GRK3: variants seen among roughly 807,000 people sequenced by gnomAD.
GRK3 encodes adrenergic, beta, receptor kinase 2.
GRK3 carries 54 observed loss-of-function variants against 95.7 expected under a neutral mutation model. The observed-to-expected ratio is 0.56, with a 90% CI of 0.45 to 0.71. The LOEUF (loss-of-function observed/expected upper bound fraction) is 0.71, where lower values mean the gene tolerates loss of function less well. Among genes scored for constraint, GRK3 ranks in the 30% least tolerant of loss-of-function variants. GRK3 has a pLI of 0.00. For synonymous variants in GRK3, 281 were observed against 290.8 expected, an observed-to-expected ratio of 0.97 and a Z score of 0.34; for missense variants, 649 against 851.2, an observed-to-expected ratio of 0.76 and a Z score of 2.96.
intron 13 of GRK3, among the ~76,000 whole-genome samples, chr22:25,700,221 A>T (rs1311092707): frequency 6.6e-6 from 1 of 152,198 alleles, no homozygotes; most frequent in East Asian, 1.9e-4. Flanking sequence ...GCTATCTTTG[A>T]GTGCTGGTCA....
intron 6 of GRK3, among the ~76,000 whole-genome samples, chr22:25,668,953 C>T (rs553212077): frequency 9.9e-5 from 15 of 152,284 alleles, no homozygotes; most frequent in South Asian, 2.1e-4. Flanking sequence ...CATTTCATAG[C>T]CTCACAGTAA....
Position 25,564,924 on chromosome 22 carries a change from G to GT in GRK3, c.-117_-116insT, listed in dbSNP as rs1931388932. 6.9e-6 allele frequency: 1 copy of GT among 145,096 alleles called. No homozygotes were observed. Among genetic ancestry groups the GT allele is most frequent in the African/African-American group, 2.7e-5 (1 of 36,894 alleles). 9.0% of individuals were successfully genotyped at this position (145,096 alleles called of 1,614,324 possible). On this transcript the variant is annotated 5_prime_UTR_variant, in exon 1 of 21. Transcript: ENST00000324198. ...CGCGCGCGGGGCGGGGGCGCGCGGA[G>GT]GGGGGGGCTGCCCCGGGGCGGCCCC...
At chr22:25,567,888 A>T (rs1931547551) in intron 1 of GRK3, among the ~76,000 whole-genome samples, 1 of 152,224 alleles carries the variant, frequency 6.6e-6, no homozygotes, top group African/African-American at 2.4e-5. Flanking sequence ...ATTACAGGAG[A>T]GTCTCAGAAA....
intron 2 of GRK3, among the ~76,000 whole-genome samples, chr22:25,630,456 A>G (rs188113977): frequency 1.6e-4 from 25 of 152,268 alleles, no homozygotes; most frequent in African/African-American, 5.5e-4. Flanking sequence ...TAAATGAAAA[A>G]ATTGAGTGCA....
chr22:25,630,082 T>C (rs1261025442), intron 2 of GRK3, among the ~76,000 whole-genome samples: 1 of 152,222 alleles, frequency 6.6e-6, no homozygotes, highest in African/African-American at 2.4e-5. Context: ...TAATAAAACA[T>C]ACATATAGAA....
chr22:25,693,940 C>T (rs900880313), intron 12 of GRK3, among the ~76,000 whole-genome samples: 6 of 151,950 alleles, frequency 3.9e-5, no homozygotes, highest in East Asian at 1.9e-4. Flanking sequence ...TACAGGCATG[C>T]GCCACCACGC....
intron 1 of GRK3, among the ~76,000 whole-genome samples, chr22:25,575,946 C>T (rs1467144562): frequency 2.0e-5 from 3 of 152,216 alleles, no homozygotes; most frequent in African/African-American, 7.2e-5. Flanking sequence ...CATAATCAGC[C>T]AAGTCTGCCT....
chr22:25,616,665 G>A (rs1337325531), intron 2 of GRK3, among the ~76,000 whole-genome samples: 2 of 152,210 alleles, frequency 1.3e-5, no homozygotes, highest in East Asian at 1.9e-4. Flanking sequence ...TGCCGTGGAA[G>A]TAGAGAGAAG....
intron 3 of GRK3, among the ~76,000 whole-genome samples, chr22:25,650,047 A>AT (rs1217829028): frequency 1.1e-4 from 16 of 150,104 alleles, no homozygotes; most frequent in African/African-American, 1.7e-4. Flanking sequence ...GCTAGAGTGC[A>AT]TTGGCGCCAT....
In GRK3 at chr22:25,649,836, C is replaced by T. The variant is rs193238861; in HGVS notation, c.264+5171C>T. Reference sequence around the variant, plus strand: ...ACTTGATTAAATGTTAGACCACAGACGTGGAATTTGAAAGTATAATGCAGT... The same window carrying T: ...ACTTGATTAAATGTTAGACCACAGATGTGGAATTTGAAAGTATAATGCAGT... On this transcript the variant is annotated intron_variant, in intron 3 of 20. Transcript: ENST00000324198. 8.5e-3 allele frequency among the ~76,000 whole-genome samples: 1,296 copies of T among 152,086 alleles called. 7 individuals carry two copies. Among genetic ancestry groups the T allele is most frequent in the Middle Eastern group, 0.02 (6 of 294 alleles).
At chr22:25,588,317 G>A (rs1229493173) in intron 1 of GRK3, among the ~76,000 whole-genome samples, 2 of 152,196 alleles carry the variant, frequency 1.3e-5, no homozygotes, top group Admixed American at 1.3e-4. Flanking sequence ...ACAGAATGTG[G>A]ATTATCAAAA....
intron 5 of GRK3, among the ~76,000 whole-genome samples, chr22:25,665,804 A>C (rs1370927024): frequency 6.6e-6 from 1 of 152,242 alleles, no homozygotes; most frequent in Non-Finnish European, 1.5e-5. Flanking sequence ...ATAGTAAAAC[A>C]AAACTGTTTT....
At chr22:25,654,862 C>T (rs774907965) in intron 3 of GRK3, among the ~76,000 whole-genome samples, 4 of 152,126 alleles carry the variant, frequency 2.6e-5, no homozygotes, top group South Asian at 4.1e-4. Flanking sequence ...CTCTTCTCAC[C>T]TCTCTTCTGG....
intron 10 of GRK3, among the ~76,000 whole-genome samples, chr22:25,686,309 A>G (rs565519143): frequency 3.9e-5 from 6 of 152,272 alleles, no homozygotes; most frequent in Admixed American, 3.9e-4. Context: ...AACACCAAAC[A>G]CAGCAGCATC....
rs2085487193 is a variant in GRK3, at chr22:25,727,924, C to G, written c.*5474C>G. 6.6e-6 allele frequency: 1 copy of G among 151,944 alleles called. No individual in the cohort carries two copies. The allele number at this position is 151,944 out of a possible 1,614,324, so 9.4% of individuals were successfully genotyped here. Reference sequence around the variant, plus strand: ...AGTTTTATTGTTAAATGGTATTTTTCTATGTTTAATTATAATAGATCTGGC... The same window carrying G: ...AGTTTTATTGTTAAATGGTATTTTTGTATGTTTAATTATAATAGATCTGGC... On this transcript the variant is annotated 3_prime_UTR_variant, in exon 21 of 21. Coordinates refer to ENST00000324198, the MANE Select transcript of GRK3 (RefSeq NM_005160.4).
chr22:25,694,292 C>G (rs959416702), intron 12 of GRK3, among the ~76,000 whole-genome samples: 1 of 152,166 alleles, frequency 6.6e-6, no homozygotes, highest in Non-Finnish European at 1.5e-5. Context: ...TTTGCCAGAG[C>G]CCTGTCAGGC....
In GRK3 at chr22:25,672,352, G is replaced by A; in HGVS notation, c.555+5G>A. On this transcript the variant is annotated splice_donor_5th_base_variant and intron_variant, in intron 7 of 20. Transcript: ENST00000324198. ...AACGTTGAATTAAATATCCATGTGAGTATCATCTTTTTCTTTTTTCATTTT... is the reference window on the plus strand; with the variant it reads ...AACGTTGAATTAAATATCCATGTGAATATCATCTTTTTCTTTTTTCATTTT... 2.1e-6 allele frequency: 3 copies of A among 1,431,480 alleles called. No homozygotes were observed. The highest frequency in any genetic ancestry group is 2.9e-6 in the Non-Finnish European group (3 of 1,030,972). The allele number at this position is 1,431,480 out of a possible 1,614,324, so 88.7% of individuals were successfully genotyped here. A position where few individuals can be genotyped will look rare whatever the true frequency, so the allele number is the denominator to read the frequency against.
At position 25,626,852 on chromosome 22, in the gene GRK3, G is replaced by T. The variant is rs114398640; in HGVS notation, c.191-17740G>T. On this transcript the variant is annotated intron_variant, in intron 2 of 20. Transcript: ENST00000324198. ...GTTGGCAGTGGCACCCATACCACCT[G>T]GTGTTCCACTGTTATGGGTTTAGTC... Among the ~76,000 whole-genome samples, 1,066 of 152,284 alleles carry T rather than the reference G, an allele frequency of 7.0e-3. 14 individuals carry two copies. The highest frequency in any genetic ancestry group is 0.024 in the African/African-American group (1,009 of 41,538).
At chr22:25,697,924 T>G (rs1345165133) in intron 13 of GRK3, among the ~76,000 whole-genome samples, 3 of 152,300 alleles carry the variant, frequency 2.0e-5, no homozygotes, top group Middle Eastern at 3.4e-3. Context: ...CACTCACAGA[T>G]AGGATATAGC....
Sources: gnomAD v4.1 joint callset for allele counts (sites outside exome capture counted in the v4.1 genomes callset) on GRCh38, gnomAD v4.1.1 for gene constraint, MANE v1.5 for transcripts, NCBI Gene and HGNC (gene_info 2026-07-23, HGNC 2026-07-21) for gene names.